The following NBEA variants were observed in gnomAD, a reference collection of about 807,000 sequenced individuals.
The protein encoded by NBEA is neurobeachin.
In NBEA, 44 loss-of-function variants were observed where a neutral mutation model predicts 343.4. That is an observed-to-expected ratio of 0.13 (90% CI 0.10 to 0.16). The LOEUF (loss-of-function observed/expected upper bound fraction) is 0.16. NBEA is among the 10% of genes least tolerant of loss of function. The pLI is 1.00. For missense variants in NBEA, 2,555 were observed against 3,631.3 expected, an observed-to-expected ratio of 0.70 and a Z score of 7.62; for synonymous variants, 1,175 against 1,238.7, an observed-to-expected ratio of 0.95 and a Z score of 1.08.
At chr13:34,992,608 A>T (rs1039428093) in intron 1 of NBEA, among the ~76,000 whole-genome samples, 11 of 152,118 alleles carry the variant, frequency 7.2e-5, no homozygotes, top group African/African-American at 2.4e-4. Context: ...GAGGTATTTG[A>T]GGGGAATAGT....
At chr13:35,143,695 G>A (rs1467200739) in intron 18 of NBEA, among the ~76,000 whole-genome samples, 2 of 151,938 alleles carry the variant, frequency 1.3e-5, no homozygotes, top group African/African-American at 2.4e-5. Flanking sequence ...CATTGAGAAA[G>A]GGAGATGCTA....
At chr13:35,553,851 T>A (rs759333147) in intron 43 of NBEA, among the ~76,000 whole-genome samples, 6 of 152,174 alleles carry the variant, frequency 3.9e-5, no homozygotes, top group Non-Finnish European at 5.9e-5. Context: ...ACACAAACTA[T>A]TTGCTCGAGT....
intron 47 of NBEA, among the ~76,000 whole-genome samples, chr13:35,599,677 G>A (rs2081965391): frequency 1.3e-5 from 2 of 152,216 alleles, no homozygotes; most frequent in Admixed American, 1.3e-4. Context: ...GTTGAAACAA[G>A]CCAGGCCATA....
intron 51 of NBEA, 88 bp from the exon 52 acceptor site, chr13:35,649,567 G>A: frequency 1.8e-6 from 2 of 1,103,990 alleles, no homozygotes; most frequent in Non-Finnish European, 2.7e-6. Flanking sequence ...TGCTAGCCTT[G>A]TCTGTTTAAC....
At chr13:35,219,244 A>G (rs1326482784) in intron 33 of NBEA, among the ~76,000 whole-genome samples, 1 of 151,780 alleles carries the variant, frequency 6.6e-6, no homozygotes, top group East Asian at 1.9e-4. Flanking sequence ...TTTCTTGATA[A>G]GCTCTGGCAG....
intron 34 of NBEA, among the ~76,000 whole-genome samples, chr13:35,233,339 C>T (rs1426242734): frequency 6.6e-6 from 1 of 152,064 alleles, no homozygotes; most frequent in African/African-American, 2.4e-5. Flanking sequence ...TTCCTGTTTA[C>T]TGTAGAAGAA....
intron 35 of NBEA, among the ~76,000 whole-genome samples, chr13:35,295,455 G>C (rs1186380013): frequency 6.6e-6 from 1 of 151,928 alleles, no homozygotes; most frequent in African/African-American, 2.4e-5. Flanking sequence ...AAGTTAAAGG[G>C]GTCAAATTTG....
At chr13:35,044,885 T>A in intron 2 of NBEA, 62 bp from the exon 3 acceptor site, 1 of 1,299,062 alleles carries the variant, frequency 7.7e-7, no homozygotes. Context: ...TCAAAAAGTA[T>A]ATTACCTTGA....
intron 49 of NBEA, among the ~76,000 whole-genome samples, chr13:35,636,034 C>G (rs182462447): frequency 2.1e-4 from 32 of 152,274 alleles, no homozygotes; most frequent in African/African-American, 7.5e-4. Flanking sequence ...GCATCTAAAG[C>G]CATATTTTAC....
At chr13:35,120,721 G>C (rs1381810399) in intron 16 of NBEA, among the ~76,000 whole-genome samples, 2 of 149,384 alleles carry the variant, frequency 1.3e-5, no homozygotes, top group Non-Finnish European at 2.9e-5. Context: ...CTAAAAATTT[G>C]ATGTTTTTAT....
At chr13:35,030,783 A>G (rs1161772441) in intron 1 of NBEA, among the ~76,000 whole-genome samples, 1 of 151,668 alleles carries the variant, frequency 6.6e-6, no homozygotes, top group Non-Finnish European at 1.5e-5. Context: ...CCATTACAAC[A>G]TCTGTAGTAA....
At chr13:35,120,491 A>C (rs2066736639) in intron 16 of NBEA, among the ~76,000 whole-genome samples, 1 of 152,228 alleles carries the variant, frequency 6.6e-6, no homozygotes, top group African/African-American at 2.4e-5. Flanking sequence ...AAATATTGAA[A>C]GTGGCTAACG....
At chr13:35,507,481 A>C (rs1002219270) in intron 41 of NBEA, among the ~76,000 whole-genome samples, 11 of 152,030 alleles carry the variant, frequency 7.2e-5, no homozygotes, top group African/African-American at 2.7e-4. Context: ...TAGATAAACC[A>C]AACTTACTTT....
chr13:35,581,518 A>G (rs2081034237), intron 45 of NBEA, among the ~76,000 whole-genome samples: 1 of 151,880 alleles, frequency 6.6e-6, no homozygotes, highest in Non-Finnish European at 1.5e-5. Context: ...GATTCTGGAT[A>G]TTAGCCCTTT....
chr13:35,113,912 A>G (rs1002072988), intron 13 of NBEA, among the ~76,000 whole-genome samples: 1 of 152,154 alleles, frequency 6.6e-6, no homozygotes, highest in Non-Finnish European at 1.5e-5. Flanking sequence ...TTGTATCATT[A>G]TTTCGATGCT....
At chr13:35,424,714 A>C (rs1325138130) in intron 38 of NBEA, among the ~76,000 whole-genome samples, 1 of 152,192 alleles carries the variant, frequency 6.6e-6, no homozygotes, top group Non-Finnish European at 1.5e-5. Context: ...GAATAGTTTC[A>C]GAAGGAATGG....
chr13:35,383,750 A>C (rs1314993926), intron 38 of NBEA, among the ~76,000 whole-genome samples: 1 of 152,146 alleles, frequency 6.6e-6, no homozygotes, highest in Non-Finnish European at 1.5e-5. Context: ...GAAAATGAAC[A>C]ATAACTAAAA....
At chr13:35,448,882 T>C (rs1326859351) in intron 39 of NBEA, among the ~76,000 whole-genome samples, 5 of 152,158 alleles carry the variant, frequency 3.3e-5, no homozygotes, top group Non-Finnish European at 5.9e-5. Flanking sequence ...GTAACACCTA[T>C]ACAGTGCAGT....
At chr13:35,070,944 A>G (rs1270465226) in intron 10 of NBEA, 92 bp downstream of exon 10, 35 of 1,355,494 alleles carry the variant, frequency 2.6e-5, no homozygotes, top group South Asian at 4.4e-5. Flanking sequence ...GTATTACAGT[A>G]TTTGGGTTCT....
Sources: gnomAD v4.1 joint callset for allele counts (sites outside exome capture counted in the v4.1 genomes callset) on GRCh38, gnomAD v4.1.1 for gene constraint, MANE v1.5 for transcripts, NCBI Gene and HGNC (gene_info 2026-07-23, HGNC 2026-07-21) for gene names.